The following NUP210 variants were observed in gnomAD, a reference collection of about 807,000 sequenced individuals.
NUP210 encodes nucleoporin 210.
In NUP210, 151 loss-of-function variants were observed where a neutral mutation model predicts 196.0. That is an observed-to-expected ratio of 0.77 (90% CI 0.67 to 0.88). The LOEUF is 0.88. Ranked by LOEUF, NUP210 falls within the 40% of genes least tolerant of loss-of-function variation. The pLI is 0.00. For missense variants in NUP210, 2,314 were observed against 2,493.7 expected (o/e 0.93, Z 1.53); for synonymous variants, 1,070 against 1,052.7 (o/e 1.02, Z -0.32).
intron 29 of NUP210, 120 bp from the exon 30 acceptor site, chr3:13,330,754 A>C: frequency 1.0e-6 from 1 of 964,112 alleles, no homozygotes; most frequent in Non-Finnish European, 1.5e-6. Context: ...AAAAAGGCCC[A>C]ATCTTGGCCC....
chr3:13,326,539 T>TAA (rs35191592), intron 32 of NUP210, among the ~76,000 whole-genome samples: 18 of 151,180 alleles, frequency 1.2e-4, no homozygotes, highest in Admixed American at 6.6e-4. Flanking sequence ...TTAGTAAGGT[T>TAA]AAAAAAAAAG....
intron 1 of NUP210, among the ~76,000 whole-genome samples, chr3:13,400,491 G>A (rs1699799826): frequency 1.3e-5 from 2 of 152,228 alleles, no homozygotes; most frequent in African/African-American, 2.4e-5. Flanking sequence ...AGGATAACAG[G>A]AGGAAGGATA....
chr3:13,345,699 C>T (rs570859552), intron 20 of NUP210, among the ~76,000 whole-genome samples: 149 of 152,316 alleles, frequency 9.8e-4, no homozygotes, highest in Non-Finnish European at 1.9e-3. Context: ...CACTACAAAA[C>T]AATAGCTTTG....
chr3:13,325,580 C>A (rs1696714854), intron 33 of NUP210, among the ~76,000 whole-genome samples: 1 of 152,202 alleles, frequency 6.6e-6, no homozygotes, highest in African/African-American at 2.4e-5. Context: ...CCTCATCACA[C>A]CCTCTTGAAC....
chr3:13,371,871 G>C lies in NUP210; in HGVS notation c.1749C>G (p.Val583=). Residue 583 remains valine (V), a synonymous_variant, in exon 13 of 40, where the codon GTC becomes GTG. Transcript: ENST00000254508. Reference sequence around the variant, plus strand: ...GGAACACACCCTGGTTCTCCACCTCGACAGCCAAGTCAAAGTGGGAGCAGT... The same window carrying C: ...GGAACACACCCTGGTTCTCCACCTCCACAGCCAAGTCAAAGTGGGAGCAGT... ...LSDCSHFDLA[V]EVENQGVFQP... The C allele has an allele frequency of 6.2e-7, 1 of 1,609,924 alleles. No individual in the cohort carries two copies. The highest frequency in any genetic ancestry group is 8.5e-7 in the Non-Finnish European group (1 of 1,178,666).
At chr3:13,331,428 C>T (rs1432394839) in intron 29 of NUP210, among the ~76,000 whole-genome samples, 1 of 152,198 alleles carries the variant, frequency 6.6e-6, no homozygotes, top group African/African-American at 2.4e-5. Flanking sequence ...TCTTCCCCCA[C>T]CAACCCCTTC....
intron 9 of NUP210, 92 bp downstream of exon 9, chr3:13,377,364 G>A (rs1698948165): frequency 6.8e-6 from 6 of 878,542 alleles, no homozygotes; most frequent in South Asian, 1.4e-5. Flanking sequence ...CCTGCATGGG[G>A]GCTCCTGTTG....
intron 1 of NUP210, among the ~76,000 whole-genome samples, chr3:13,419,708 GC>G (rs1700466471): frequency 6.6e-6 from 1 of 152,118 alleles, no homozygotes; most frequent in African/African-American, 2.4e-5. Context: ...CTGCCCCGGC[GC>G]CCCCTCCCGG....
rs756302950 is a variant in NUP210, at chr3:13,360,442, T to C, written c.1982A>G (p.Glu661Gly). 3 of 1,613,584 alleles carry C rather than the reference T, an allele frequency of 1.9e-6. No individual in the cohort carries two copies. The South Asian group carries it at 3.3e-5, about 18-fold the overall frequency. ...VALVTLGSSK[E>G]MLFEGGPRPW... Reference sequence around the variant, plus strand: ...TCTGGGACCTCCTTCAAACAGCATCTCCTTTGAGGAGCCCAGGGTTACCAA... The same window carrying C: ...TCTGGGACCTCCTTCAAACAGCATCCCCTTTGAGGAGCCCAGGGTTACCAA... The change falls in exon 15 of 40, where the codon GAG becomes GGG. Residue 661 changes from glutamate to glycine, a missense_variant. By Grantham distance (98) the Glu-to-Gly change is moderately conservative. Coordinates refer to ENST00000254508, the MANE Select transcript of NUP210 (RefSeq NM_024923.4).
chr3:13,353,898 G>A lies in NUP210; in HGVS notation c.2521+17C>T, dbSNP rs762043457. ...TCTGTTCTCCTGCCTGGGCCATCAGGCTTGTGCCCAGCTCACCGTGCAGCT... is the reference window on the plus strand; with the variant it reads ...TCTGTTCTCCTGCCTGGGCCATCAGACTTGTGCCCAGCTCACCGTGCAGCT... On this transcript the variant is annotated intron_variant, in intron 17 of 39. Coordinates refer to ENST00000254508, the MANE Select transcript of NUP210 (RefSeq NM_024923.4). The A allele has an allele frequency of 1.3e-6, 2 of 1,598,006 alleles. No homozygotes were observed. Among genetic ancestry groups the A allele is most frequent in the African/African-American group, 2.7e-5 (2 of 74,882 alleles).
In NUP210 at chr3:13,379,581, G is replaced by A; in HGVS notation, c.958C>T (p.Leu320Phe). Residue 320 changes from leucine to phenylalanine, a missense_variant, in exon 7 of 40, where the codon CTC (leucine) becomes TTC (phenylalanine). Physicochemically the swap from Leu to Phe is conservative, Grantham distance 22. Transcript: ENST00000254508. The surrounding 1 kb of genome is among the most constrained non-coding windows in gnomAD (Gnocchi z 4.2). ...AGGATATTCCTGTGGCCAAGGACGA[G>A]GCTGCTCTGTCCCAGCTGCAGTGCA... ...VTALQLGQSS[L>F]VLGHRSIRMQ... is the part of the protein sequence containing the mutation. The A allele has an allele frequency of 6.2e-7, 1 of 1,614,140 alleles. No homozygotes were observed. Among genetic ancestry groups the A allele is most frequent in the Non-Finnish European group, 8.5e-7 (1 of 1,180,036 alleles).
intron 6 of NUP210, among the ~76,000 whole-genome samples, chr3:13,383,516 CTTTTTTTTTTTT>C (rs3032854): frequency 1.4e-5 from 1 of 70,940 alleles, no homozygotes; most frequent in East Asian, 4.1e-4. Context: ...AGAGTGAGCT[CTTTTTTTTTTTT>C]TTTTTTTTTT....
rs1327915501 is a variant in NUP210, at chr3:13,348,863, C to T, written c.2835+3016G>A. The T allele has an allele frequency of 6.1e-6, 6 of 985,238 alleles. No homozygotes were observed. Among genetic ancestry groups the T allele is most frequent in the South Asian group, 4.7e-5 (1 of 21,282 alleles). The allele number at this position is 985,238 out of a possible 1,614,324, so 61.0% of individuals were successfully genotyped here. A position where few individuals can be genotyped will look rare whatever the true frequency, so the allele number is the denominator to read the frequency against. On this transcript the variant is annotated intron_variant, in intron 20 of 39. Coordinates refer to ENST00000254508, the MANE Select transcript of NUP210 (RefSeq NM_024923.4). This position sits in a 1 kb window ranked among gnomAD's most constrained non-coding sequence, Gnocchi z 4.0. ...ACATCAAACGCTGAAGGAAGGTTTT[C>T]GAAAACACCCCAAACACCAAACAAA...
rs1697851706 is a variant in NUP210 at position 13,348,785 on chromosome 3, CCTT to C, written c.2835+3091_2835+3093del. 1.0e-6 allele frequency: 1 copy of C among 985,414 alleles called. No individual in the cohort carries two copies. Among genetic ancestry groups the C allele is most frequent in the African/African-American group, 1.7e-5 (1 of 57,354 alleles). The allele number at this position is 985,414 out of a possible 1,614,324, so 61.0% of individuals were successfully genotyped here. On this transcript the variant is annotated intron_variant, in intron 20 of 39. Coordinates refer to ENST00000254508, the MANE Select transcript of NUP210 (RefSeq NM_024923.4). The surrounding 1 kb of genome is among the most constrained non-coding windows in gnomAD (Gnocchi z 4.0). ...AGGAACAGTGGGACTCCCTCCCCCT[CCTT>C]GAGGCACGGCGCTGAGAAAACATCC...
At chr3:13,342,274 A>ATTT in intron 21 of NUP210, 151 bp from the exon 22 acceptor site, 1 of 918,416 alleles carries the variant, frequency 1.1e-6, no homozygotes, top group Non-Finnish European at 1.6e-6. Flanking sequence ...CTGGACTATC[A>ATTT]GCCAGTCAGC....
intron 13 of NUP210, among the ~76,000 whole-genome samples, chr3:13,370,550 C>T (rs1698696211): frequency 6.6e-6 from 1 of 152,188 alleles, no homozygotes; most frequent in African/African-American, 2.4e-5. Context: ...CAGACTCCCT[C>T]CAGGACGGTT....
At chr3:13,324,669 G>A (rs1043634821) in intron 33 of NUP210, among the ~76,000 whole-genome samples, 3 of 152,102 alleles carry the variant, frequency 2.0e-5, no homozygotes, top group African/African-American at 7.2e-5. Context: ...TGAGGGCCTG[G>A]CCTCAGTCTC....
chr3:13,413,033 G>A (rs1242935109), intron 1 of NUP210, among the ~76,000 whole-genome samples: 5 of 151,998 alleles, frequency 3.3e-5, no homozygotes, highest in Admixed American at 6.6e-5. Flanking sequence ...TTGGGAGGCC[G>A]AGGCAGGCAG....
intron 31 of NUP210, among the ~76,000 whole-genome samples, chr3:13,328,504 G>A (rs929558751): frequency 3.9e-5 from 6 of 152,188 alleles, no homozygotes; most frequent in African/African-American, 1.2e-4. Context: ...CCTGTGCCTC[G>A]GGGAGCACTC....
Sources: gnomAD v4.1 joint callset for allele counts (sites outside exome capture counted in the v4.1 genomes callset) on GRCh38, gnomAD v4.1.1 for gene constraint, Gnocchi (gnomAD v3.1) non-coding constraint, MANE v1.5 for transcripts, NCBI Gene and HGNC (gene_info 2026-07-23, HGNC 2026-07-21) for gene names.